The following EDN1 variants were observed in gnomAD, a reference collection of about 807,000 sequenced individuals.
EDN1 encodes the protein endothelin 1.
Under a neutral mutation model 21.7 loss-of-function variants are expected in EDN1, and 11 were observed. That is an observed-to-expected ratio of 0.51 (90% confidence interval 0.32 to 0.84). The LOEUF (loss-of-function observed/expected upper bound fraction) is 0.84. Among genes scored for constraint, EDN1 ranks in the 40% least tolerant of loss-of-function variants. EDN1 has a pLI of 0.03. For missense variants in EDN1, 244 were observed against 262.3 expected, an observed-to-expected ratio of 0.93 and a Z score of 0.48; for synonymous variants, 85 against 90.6, an observed-to-expected ratio of 0.94 and a Z score of 0.35.
At chr6:12,255,785 A>T in the EDN1 span, among the ~76,000 whole-genome samples, 1 of 152,358 alleles carries the variant, frequency 6.6e-6, no homozygotes, top group East Asian at 1.9e-4. Flanking sequence ...CTTCATTTTT[A>T]TAGGTCAAAA....
the EDN1 span, among the ~76,000 whole-genome samples, chr6:12,275,802 C>CGTGTGTGTGT: frequency 8.8e-5 from 13 of 147,242 alleles, no homozygotes; most frequent in African/African-American, 2.5e-4. Flanking sequence ...TTGGGGGCAC[C>CGTGTGTGTGT]GTGTGTGTGT....
upstream of EDN1, among the ~76,000 whole-genome samples, chr6:12,288,312 G>T (rs1163005750): frequency 1.3e-5 from 2 of 152,030 alleles, no homozygotes; most frequent in African/African-American, 4.8e-5. Context: ...CGGGAGTGTT[G>T]GGGGGGAGGC....
chr6:12,258,003 C>T, the EDN1 span, among the ~76,000 whole-genome samples: 1 of 152,058 alleles, frequency 6.6e-6, no homozygotes, highest in East Asian at 1.9e-4. Flanking sequence ...CATATTTGCA[C>T]ATGAGGAGTG....
the EDN1 span, among the ~76,000 whole-genome samples, chr6:12,269,967 A>G: frequency 1.3e-5 from 2 of 152,148 alleles, no homozygotes; most frequent in East Asian, 3.8e-4. Context: ...ATGTTTTATT[A>G]TTGATTTAAT....
At chr6:12,252,074 G>GT in the EDN1 span, among the ~76,000 whole-genome samples, 1 of 151,900 alleles carries the variant, frequency 6.6e-6, no homozygotes, top group African/African-American at 2.4e-5. Flanking sequence ...GTATAAATGT[G>GT]TATGTGTAAG....
chr6:12,232,917 A>G, the EDN1 span, among the ~76,000 whole-genome samples: 1 of 152,184 alleles, frequency 6.6e-6, no homozygotes, highest in African/African-American at 2.4e-5. Flanking sequence ...TCATTAGTAG[A>G]AAGAGGGACA....
the EDN1 span, among the ~76,000 whole-genome samples, chr6:12,260,652 G>A: frequency 1.3e-5 from 2 of 152,202 alleles, no homozygotes; most frequent in African/African-American, 2.4e-5. Flanking sequence ...ACTCACTAAT[G>A]TTTTACGATT....
At chr6:12,248,919 C>T in the EDN1 span, among the ~76,000 whole-genome samples, 1 of 152,156 alleles carries the variant, frequency 6.6e-6, no homozygotes, top group African/African-American at 2.4e-5. Flanking sequence ...GATGATAGAA[C>T]AAGTGTGAAG....
chr6:12,235,390 T>C, the EDN1 span, among the ~76,000 whole-genome samples: 4 of 152,346 alleles, frequency 2.6e-5, no homozygotes, highest in Admixed American at 2.0e-4. Flanking sequence ...GGACAATGAT[T>C]ATCGGGAATA....
chr6:12,251,853 A>G, the EDN1 span, among the ~76,000 whole-genome samples: 3 of 152,090 alleles, frequency 2.0e-5, no homozygotes, highest in African/African-American at 7.2e-5. Context: ...CCTCCCACCA[A>G]TTACCTGCTA....
At chr6:12,260,962 G>A in the EDN1 span, among the ~76,000 whole-genome samples, 1 of 152,180 alleles carries the variant, frequency 6.6e-6, no homozygotes, top group Non-Finnish European at 1.5e-5. Flanking sequence ...TAGAAAGCAA[G>A]TTGTCACTAT....
At chr6:12,267,744 A>G in the EDN1 span, among the ~76,000 whole-genome samples, 1 of 152,244 alleles carries the variant, frequency 6.6e-6, no homozygotes, top group Admixed American at 6.5e-5. Flanking sequence ...TCTTCACTGT[A>G]GATAAAACAG....
At chr6:12,261,404 T>G in the EDN1 span, among the ~76,000 whole-genome samples, 2 of 152,214 alleles carry the variant, frequency 1.3e-5, no homozygotes, top group African/African-American at 4.8e-5. Context: ...GTAGTGTGCC[T>G]GTGCACATGG....
At chr6:12,292,192 G>A (rs1762699414) in intron 1 of EDN1, 149 bp from the exon 2 acceptor site, 5 of 1,129,660 alleles carry the variant, frequency 4.4e-6, no homozygotes, top group Non-Finnish European at 6.6e-6. Context: ...AAAAAATAAA[G>A]AGCCCTTTTT....
chr6:12,283,713 G>C, the EDN1 span, among the ~76,000 whole-genome samples: 1 of 152,164 alleles, frequency 6.6e-6, no homozygotes, highest in Non-Finnish European at 1.5e-5. Context: ...ACACATTACA[G>C]AGATACTGGA....
At chr6:12,253,195 G>A in the EDN1 span, among the ~76,000 whole-genome samples, 1 of 152,104 alleles carries the variant, frequency 6.6e-6, no homozygotes, top group Non-Finnish European at 1.5e-5. Context: ...GACTCCCAAT[G>A]AGCAATGAAA....
At chr6:12,291,110 T>C (rs974732217) in intron 1 of EDN1, among the ~76,000 whole-genome samples, 1 of 152,092 alleles carries the variant, frequency 6.6e-6, no homozygotes, top group Non-Finnish European at 1.5e-5. Flanking sequence ...ACGTGTAAAA[T>C]ATTTAAGCAT....
At chr6:12,253,223 G>A in the EDN1 span, among the ~76,000 whole-genome samples, 2 of 152,116 alleles carry the variant, frequency 1.3e-5, no homozygotes, top group South Asian at 4.1e-4. Flanking sequence ...TTTGAAAGAT[G>A]CATGCAACTG....
the EDN1 span, among the ~76,000 whole-genome samples, chr6:12,244,305 A>G: frequency 6.6e-6 from 1 of 152,228 alleles, no homozygotes; most frequent in African/African-American, 2.4e-5. Flanking sequence ...ATATTAATTC[A>G]TTGAGTGAAT....
Sources: gnomAD v4.1 joint callset for allele counts (sites outside exome capture counted in the v4.1 genomes callset) on GRCh38, gnomAD v4.1.1 for gene constraint, MANE v1.5 for transcripts, NCBI Gene and HGNC (gene_info 2026-07-23, HGNC 2026-07-21) for gene names.